Variants in ACAP2 observed in about 807,000 individuals in gnomAD.
ACAP2 encodes ArfGAP with coiled-coil, ankyrin repeat and PH domains 2, also known as arf-GAP with coiled-coil, ANK repeat and PH domain-containing protein 2.
ACAP2 carries 39 observed loss-of-function variants against 115.8 expected under a neutral mutation model. The observed-to-expected ratio is 0.34, with a 90% CI of 0.26 to 0.44. ACAP2 has a LOEUF of 0.44. Among genes scored for constraint, ACAP2 ranks in the 20% least tolerant of loss-of-function variants. The probability of loss-of-function intolerance (pLI) is 1.00; values close to 1 mark genes in which losing one functional copy is unlikely to be tolerated. For synonymous variants in ACAP2, 289 were observed against 315.8 expected (o/e 0.92, Z 0.90); for missense variants, 662 against 927.6 (o/e 0.71, Z 3.72).
chr3:195,302,247 C>CAA, intron 13 of ACAP2, 73 bp from the exon 14 acceptor site: 1 of 1,320,296 alleles, frequency 7.6e-7, no homozygotes, highest in Non-Finnish European at 1.0e-6. Context: ...CTACATGCTC[C>CAA]AAACTAAAGC....
intron 1 of ACAP2, among the ~76,000 whole-genome samples, chr3:195,425,026 CA>C (rs10690317): frequency 6.8e-3 from 182 of 26,612 alleles, no homozygotes; most frequent in African/African-American, 0.011. Context: ...GACTCCGTCT[CA>C]AAAAAAAAAA....
At chr3:195,335,664 T>C (rs1444351813) in intron 7 of ACAP2, among the ~76,000 whole-genome samples, 1 of 152,074 alleles carries the variant, frequency 6.6e-6, no homozygotes, top group Non-Finnish European at 1.5e-5. Flanking sequence ...ATATTATCTT[T>C]TAGAAAACAG....
intron 4 of ACAP2, among the ~76,000 whole-genome samples, chr3:195,359,393 G>C (rs1156559836): frequency 5.3e-5 from 8 of 152,174 alleles, no homozygotes; most frequent in Admixed American, 5.2e-4. Flanking sequence ...TTTCAACAGA[G>C]ACAATACAAT....
chr3:195,297,299 A>G lies in ACAP2; in HGVS notation c.1396-18T>C. On this transcript the variant is annotated intron_variant, in intron 15 of 22. Coordinates refer to ENST00000326793, the MANE Select transcript of ACAP2 (RefSeq NM_012287.6). ...CACATAAGCTGTTTGGCAAAAAAAA[A>G]TAGAAAAATAAGCTATACATTAAAG... 5 of 1,593,892 alleles carry G rather than the reference A, an allele frequency of 3.1e-6. No individual in the cohort carries two copies. Among genetic ancestry groups the G allele is most frequent in the Middle Eastern group, 1.8e-4 (1 of 5,642 alleles).
chr3:195,375,591 C>G (rs1333564471), intron 4 of ACAP2, among the ~76,000 whole-genome samples: 3 of 151,586 alleles, frequency 2.0e-5, no homozygotes, highest in African/African-American at 7.3e-5. Flanking sequence ...GCAGGATGAT[C>G]ACTTCAGCCC....
At chr3:195,297,523 T>A (rs1252226278) in intron 15 of ACAP2, among the ~76,000 whole-genome samples, 1 of 152,148 alleles carries the variant, frequency 6.6e-6, no homozygotes, top group African/African-American at 2.4e-5. Flanking sequence ...ACCAGAGTCA[T>A]TCTCTCTCTC....
At chr3:195,402,030 C>G (rs1366072409) in intron 1 of ACAP2, among the ~76,000 whole-genome samples, 1 of 152,158 alleles carries the variant, frequency 6.6e-6, no homozygotes, top group Non-Finnish European at 1.5e-5. Context: ...AGCACCCCAC[C>G]ACCACCATTT....
intron 4 of ACAP2, chr3:195,356,113 C>T (rs1306423558): frequency 2.2e-6 from 1 of 456,656 alleles, no homozygotes; most frequent in Admixed American, 2.3e-5. Context: ...AAAAGACAGT[C>T]TTGAATTGCT....
At chr3:195,422,179 G>A (rs1714243653) in intron 1 of ACAP2, among the ~76,000 whole-genome samples, 1 of 152,132 alleles carries the variant, frequency 6.6e-6, no homozygotes, top group African/African-American at 2.4e-5. Flanking sequence ...TAGTTTCAAT[G>A]ATCAGAACTT....
intron 21 of ACAP2, among the ~76,000 whole-genome samples, chr3:195,288,731 G>T (rs1012802905): frequency 1.3e-5 from 2 of 152,042 alleles, no homozygotes; most frequent in Non-Finnish European, 2.9e-5. Flanking sequence ...GGTGGATCAC[G>T]CCTGTAATCC....
chr3:195,297,803 G>A (rs1380000245), intron 15 of ACAP2, among the ~76,000 whole-genome samples: 1 of 152,124 alleles, frequency 6.6e-6, no homozygotes, highest in Non-Finnish European at 1.5e-5. Flanking sequence ...GTTGGGTTCT[G>A]TCTTCAGATA....
At chr3:195,326,581 G>A (rs1729809766) in intron 9 of ACAP2, 1 of 274,734 alleles carries the variant, frequency 3.6e-6, no homozygotes, top group Non-Finnish European at 7.0e-6. Context: ...TATCCTAAAT[G>A]TAATTATGAA....
intron 9 of ACAP2, 123 bp downstream of exon 9, chr3:195,326,762 T>C (rs1462242548): frequency 2.6e-6 from 2 of 775,368 alleles, no homozygotes; most frequent in Non-Finnish European, 4.0e-6. Flanking sequence ...AAAAGAGGAA[T>C]TTATCTGCAC....
At chr3:195,361,435 CA>C (rs577868054) in intron 4 of ACAP2, among the ~76,000 whole-genome samples, 18 of 91,750 alleles carry the variant, frequency 2.0e-4, no homozygotes, top group Middle Eastern at 5.4e-3. Flanking sequence ...GACTCTGTCT[CA>C]AAAAAAAAAA....
At chr3:195,344,411 G>A (rs1363309553) in intron 5 of ACAP2, among the ~76,000 whole-genome samples, 2 of 151,782 alleles carry the variant, frequency 1.3e-5, no homozygotes, top group Non-Finnish European at 2.9e-5. Context: ...TTATTAATGT[G>A]AAAAAGAAAA....
intron 9 of ACAP2, among the ~76,000 whole-genome samples, chr3:195,321,028 C>T (rs897585324): frequency 4.6e-5 from 7 of 151,782 alleles, no homozygotes; most frequent in East Asian, 1.9e-4. Flanking sequence ...TTATTTTATG[C>T]AATACTTATT....
chr3:195,436,578 T>C (rs1245964376), intron 1 of ACAP2, among the ~76,000 whole-genome samples: 1 of 152,240 alleles, frequency 6.6e-6, no homozygotes, highest in Non-Finnish European at 1.5e-5. Flanking sequence ...ATCTAAAGTA[T>C]GTCTCTTCCT....
intron 1 of ACAP2, among the ~76,000 whole-genome samples, chr3:195,423,622 CAAA>C (rs59649323): frequency 3.3e-4 from 31 of 92,616 alleles, no homozygotes; most frequent in East Asian, 1.1e-3. Flanking sequence ...GACTCCGTCT[CAAA>C]AAAAAAAAAA....
At chr3:195,391,152 A>T (rs189897438) in intron 2 of ACAP2, among the ~76,000 whole-genome samples, 1 of 152,272 alleles carries the variant, frequency 6.6e-6, no homozygotes, top group African/African-American at 2.4e-5. Flanking sequence ...TGGTCAGGTT[A>T]TATATGAAAT....
Sources: gnomAD v4.1 joint callset for allele counts (sites outside exome capture counted in the v4.1 genomes callset) on GRCh38, gnomAD v4.1.1 for gene constraint, MANE v1.5 for transcripts, NCBI Gene and HGNC (gene_info 2026-07-23, HGNC 2026-07-21) for gene names.